The following CCDC7 variants were observed in gnomAD, a reference collection of about 807,000 sequenced individuals.
CCDC7 encodes the protein coiled-coil domain containing 7.
Under a neutral mutation model 196.9 loss-of-function variants are expected in CCDC7, and 183 were observed. That is an observed-to-expected ratio of 0.93 (90% confidence interval 0.82 to 1.05). The LOEUF is 1.05. Among genes scored for constraint, CCDC7 ranks in the 50% least tolerant of loss-of-function variants. CCDC7 has a pLI of 0.00. For missense variants in CCDC7, 1,540 were observed against 1,482.2 expected (o/e 1.04, Z -0.64); for synonymous variants, 525 against 484.6 (o/e 1.08, Z -1.10).
At chr10:32,487,581 T>G (rs2041380061) in intron 8 of CCDC7, among the ~76,000 whole-genome samples, 1 of 152,178 alleles carries the variant, frequency 6.6e-6, no homozygotes, top group Non-Finnish European at 1.5e-5. Flanking sequence ...GAGTTTCCAG[T>G]TTTTCTGCTC....
intron 29 of CCDC7, among the ~76,000 whole-genome samples, chr10:32,788,275 C>A (rs1006618220): frequency 1.7e-4 from 26 of 152,124 alleles, no homozygotes; most frequent in African/African-American, 5.5e-4. Context: ...TCAGGTCAGC[C>A]CTAGCAGCTC....
At chr10:32,749,053 A>G (rs140924777) in intron 28 of CCDC7, among the ~76,000 whole-genome samples, 1 of 152,246 alleles carries the variant, frequency 6.6e-6, no homozygotes, top group Non-Finnish European at 1.5e-5. Flanking sequence ...CCAGCAATTC[A>G]CTAATTGCAA....
chr10:32,459,496 G>A (rs1431492383), intron 3 of CCDC7, among the ~76,000 whole-genome samples: 1 of 152,064 alleles, frequency 6.6e-6, no homozygotes, highest in African/African-American at 2.4e-5. Context: ...AAGGGGTGGG[G>A]CAAGACCGAG....
At chr10:32,560,892 T>A (rs1285737874) in intron 13 of CCDC7, among the ~76,000 whole-genome samples, 2 of 151,528 alleles carry the variant, frequency 1.3e-5, no homozygotes, top group East Asian at 3.9e-4. Context: ...GGATAAAGAC[T>A]CAAGACCCAT....
In CCDC7 at chr10:32,482,961, G is replaced by A. The variant is rs868862839; in HGVS notation, c.796+8938G>A. ...GTGAATAGTGCCGCAATAAACATAC[G>A]TGTGCATGTGTCTTTATAGCAGCAT... On this transcript the variant is annotated intron_variant, in intron 8 of 41. Transcript: ENST00000639629. Among the ~76,000 whole-genome samples the A allele has an allele frequency of 5.3e-5, 8 of 152,162 alleles. 1 individual carries two copies. The Middle Eastern group carries it at 0.01, about 194-fold the overall frequency.
At chr10:32,672,588 C>T (rs2074256036) in intron 21 of CCDC7, among the ~76,000 whole-genome samples, 1 of 152,154 alleles carries the variant, frequency 6.6e-6, no homozygotes, top group Non-Finnish European at 1.5e-5. Flanking sequence ...ATCACCCTTT[C>T]TGGGGTTTCC....
At chr10:32,613,923 T>C (rs2138865746) in intron 18 of CCDC7, among the ~76,000 whole-genome samples, 1 of 152,206 alleles carries the variant, frequency 6.6e-6, no homozygotes, top group Admixed American at 6.5e-5. Flanking sequence ...CTTCTGTAGA[T>C]GTTTATTAGG....
downstream of CCDC7, among the ~76,000 whole-genome samples, chr10:32,879,363 T>C (rs1376257230): frequency 6.6e-6 from 1 of 152,154 alleles, no homozygotes; most frequent in East Asian, 1.9e-4. Context: ...GATTATATGA[T>C]AGCAGCATCC....
At chr10:32,532,198 C>T (rs2135907337) in intron 11 of CCDC7, among the ~76,000 whole-genome samples, 4 of 152,132 alleles carry the variant, frequency 2.6e-5, no homozygotes, top group Admixed American at 2.6e-4. Context: ...CTTCTTAATG[C>T]CTTTGCCATA....
intron 28 of CCDC7, among the ~76,000 whole-genome samples, chr10:32,756,182 T>C (rs1448089538): frequency 6.6e-6 from 1 of 152,214 alleles, no homozygotes; most frequent in East Asian, 1.9e-4. Flanking sequence ...GAAAACACTC[T>C]TCTGGATATT....
intron 29 of CCDC7, among the ~76,000 whole-genome samples, chr10:32,799,945 A>C (rs190564758): frequency 6.6e-6 from 1 of 152,224 alleles, no homozygotes; most frequent in Admixed American, 6.5e-5. Flanking sequence ...CTGAAGGCAA[A>C]TTGCTTCTGG....
At chr10:32,845,587 A>T in exon 35 of CCDC7, 1 of 1,612,894 alleles carries the variant, frequency 6.2e-7, no homozygotes, top group Non-Finnish European at 8.5e-7. Flanking sequence ...AAGAGGTCTA[A>T]TGAAGGAGTC....
At chr10:32,740,785 T>G (rs1386752811) in intron 28 of CCDC7, among the ~76,000 whole-genome samples, 1 of 152,030 alleles carries the variant, frequency 6.6e-6, no homozygotes, top group Admixed American at 6.6e-5. Context: ...ATCTTTGTGT[T>G]TTCTATTTTT....
intron 41 of CCDC7, among the ~76,000 whole-genome samples, chr10:32,870,943 G>T (rs1479835442): frequency 6.6e-6 from 1 of 152,192 alleles, no homozygotes; most frequent in Non-Finnish European, 1.5e-5. Context: ...CAGGGATGAA[G>T]CCCACTTGAT....
intron 31 of CCDC7, among the ~76,000 whole-genome samples, chr10:32,819,120 TGATAAAGGG>T (rs2089562618): frequency 6.6e-6 from 1 of 152,006 alleles, no homozygotes; most frequent in South Asian, 2.1e-4. Flanking sequence ...CAATAAAAAA[TGATAAAGGG>T]GATATCACCA....
At chr10:32,824,179 A>G (rs2090743578) in intron 31 of CCDC7, among the ~76,000 whole-genome samples, 2 of 152,168 alleles carry the variant, frequency 1.3e-5, no homozygotes, top group Admixed American at 1.3e-4. Context: ...ACCACAAACT[A>G]TCTAGTGTGA....
intron 11 of CCDC7, among the ~76,000 whole-genome samples, chr10:32,542,616 G>A (rs2051649253): frequency 8.2e-6 from 1 of 122,552 alleles, no homozygotes; most frequent in African/African-American, 3.1e-5. Flanking sequence ...CTGGACAACA[G>A]AGTGAGACTC....
chr10:32,586,685 A>G (rs999266850), intron 18 of CCDC7, among the ~76,000 whole-genome samples: 1 of 152,132 alleles, frequency 6.6e-6, no homozygotes, highest in Admixed American at 6.5e-5. Flanking sequence ...AGATGGTTGT[A>G]GATGTGTAGT....
chr10:32,738,985 G>A (rs2085360418), intron 28 of CCDC7, among the ~76,000 whole-genome samples: 1 of 151,972 alleles, frequency 6.6e-6, no homozygotes, highest in African/African-American at 2.4e-5. Context: ...ACAGGTTCTA[G>A]TTGGTTGTAT....
Sources: gnomAD v4.1 joint callset for allele counts (sites outside exome capture counted in the v4.1 genomes callset) on GRCh38, gnomAD v4.1.1 for gene constraint, MANE v1.5 for transcripts, NCBI Gene and HGNC (gene_info 2026-07-23, HGNC 2026-07-21) for gene names.